The following LRRC4C variants were observed in gnomAD, a reference collection of about 807,000 sequenced individuals.
LRRC4C encodes leucine-rich repeat-containing protein 4C.
A neutral mutation model predicts 33.6 loss-of-function variants in LRRC4C; 5 were observed. The observed-to-expected ratio is 0.15, with a 90% confidence interval of 0.08 to 0.31. The LOEUF (loss-of-function observed/expected upper bound fraction) is 0.31. Among genes scored for constraint, LRRC4C ranks in the 10% least tolerant of loss-of-function variants. The probability of loss-of-function intolerance (pLI) is 1.00; values close to 1 mark genes in which losing one functional copy is unlikely to be tolerated. For missense variants in LRRC4C, 560 were observed against 796.7 expected (o/e 0.70, Z 3.58); for synonymous variants, 329 against 302.0 (o/e 1.09, Z -0.93).
At chr11:40,689,009 G>A (rs74429839) in intron 2 of LRRC4C, among the ~76,000 whole-genome samples, 4,419 of 152,014 alleles carry the variant, frequency 0.029, 212 homozygotes, top group African/African-American at 0.1. Context: ...GGAAAACAGC[G>A]GATGAGGATA....
intron 3 of LRRC4C, among the ~76,000 whole-genome samples, chr11:40,376,146 C>T (rs572569225): frequency 1.8e-4 from 28 of 152,124 alleles, no homozygotes; most frequent in South Asian, 1.0e-3. Context: ...CTTTTCATAT[C>T]CATGTTCACA....
chr11:40,551,620 A>G (rs565350624), intron 3 of LRRC4C, among the ~76,000 whole-genome samples: 28 of 152,012 alleles, frequency 1.8e-4, no homozygotes, highest in Non-Finnish European at 3.5e-4. Context: ...ATCTGCCTCC[A>G]CCCCACTCCT....
chr11:41,363,412 C>G (rs1467234907), intron 1 of LRRC4C, among the ~76,000 whole-genome samples: 1 of 152,160 alleles, frequency 6.6e-6, no homozygotes, highest in African/African-American at 2.4e-5. Context: ...AATCTGGTGC[C>G]AAATGTTTTC....
At chr11:40,405,269 C>T (rs1342453763) in intron 3 of LRRC4C, among the ~76,000 whole-genome samples, 1 of 151,890 alleles carries the variant, frequency 6.6e-6, no homozygotes, top group South Asian at 2.1e-4. Context: ...GGAGAATATC[C>T]TCCTTAAGGC....
intron 1 of LRRC4C, among the ~76,000 whole-genome samples, chr11:41,408,587 C>A (rs1954329724): frequency 1.3e-5 from 2 of 152,134 alleles, no homozygotes; most frequent in African/African-American, 4.8e-5. Context: ...AACCCTCTTT[C>A]ATAGGACACA....
chr11:41,072,136 A>C (rs1938731489), intron 1 of LRRC4C, among the ~76,000 whole-genome samples: 1 of 152,248 alleles, frequency 6.6e-6, no homozygotes, highest in East Asian at 1.9e-4. Context: ...AGGATTCAGA[A>C]TATTACATAA....
intron 1 of LRRC4C, among the ~76,000 whole-genome samples, chr11:41,121,814 T>G (rs954789314): frequency 2.6e-5 from 4 of 152,110 alleles, no homozygotes; most frequent in African/African-American, 9.7e-5. Flanking sequence ...ATTGTCAGCT[T>G]GGATAAAGGA....
At chr11:40,261,159 A>G (rs1215874490) in intron 4 of LRRC4C, among the ~76,000 whole-genome samples, 3 of 152,268 alleles carry the variant, frequency 2.0e-5, no homozygotes, top group Non-Finnish European at 4.4e-5. Context: ...TGAGTCTGGG[A>G]TTATAGGCGT....
intron 4 of LRRC4C, among the ~76,000 whole-genome samples, chr11:40,268,380 G>A (rs1942442307): frequency 6.6e-6 from 1 of 152,072 alleles, no homozygotes; most frequent in Non-Finnish European, 1.5e-5. Flanking sequence ...AAACCATGAT[G>A]CTTCCTAAAT....
At chr11:40,929,591 G>T (rs1272858578) in intron 2 of LRRC4C, among the ~76,000 whole-genome samples, 1 of 151,960 alleles carries the variant, frequency 6.6e-6, no homozygotes, top group Non-Finnish European at 1.5e-5. Context: ...CCACCTTCTA[G>T]TTATTCAATT....
chr11:40,669,625 C>G (rs1943984456), intron 2 of LRRC4C, among the ~76,000 whole-genome samples: 1 of 152,198 alleles, frequency 6.6e-6, no homozygotes, highest in African/African-American at 2.4e-5. Flanking sequence ...TTCTACTAAA[C>G]AAGACCCTCC....
chr11:40,821,442 T>C (rs1015623365), intron 2 of LRRC4C, among the ~76,000 whole-genome samples: 1 of 151,568 alleles, frequency 6.6e-6, no homozygotes, highest in Non-Finnish European at 1.5e-5. Context: ...TGCCAGGATA[T>C]GAATAAAAAT....
At chr11:40,775,401 G>A (rs1275849429) in intron 2 of LRRC4C, among the ~76,000 whole-genome samples, 6 of 133,384 alleles carry the variant, frequency 4.5e-5, no homozygotes, top group Non-Finnish European at 6.4e-5. Flanking sequence ...ATGACAAGGC[G>A]AGACTCTGTT....
rs796411478 is a variant in LRRC4C at position 40,692,521 on chromosome 11, G to A, written c.-406-44243C>T. ...TTAACAATGCAGAAGTGGGGACAAA[G>A]CAAAGGAAGTTAGAGAGAAACTACA... is the stretch of plus-strand genomic sequence containing the variant. On this transcript the variant is annotated intron_variant, in intron 2 of 6. Transcript: ENST00000528697. Among the ~76,000 whole-genome samples, 64 of 152,180 alleles carry A rather than the reference G, an allele frequency of 4.2e-4. 1 individual carries two copies. The highest frequency in any genetic ancestry group is 1.5e-3 in the African/African-American group (63 of 41,532).
chr11:40,372,303 T>C (rs1189462235), intron 3 of LRRC4C, among the ~76,000 whole-genome samples: 1 of 152,202 alleles, frequency 6.6e-6, no homozygotes, highest in Non-Finnish European at 1.5e-5. Context: ...TATAGGTGCC[T>C]AGTCCAAGGA....
chr11:40,649,490 TC>T lies in LRRC4C; in HGVS notation c.-406-1213del, dbSNP rs201462382. Among the ~76,000 whole-genome samples the T allele has an allele frequency of 4.6e-3, 695 of 152,310 alleles. 7 individuals are homozygous for T. Among genetic ancestry groups the T allele is most frequent in the African/African-American group, 0.016 (670 of 41,568 alleles). ...AGACCATATGGTTGTCTCCCCTTGT[TC>T]CCTGAAAATCACTGTCATTCTGTTC... On this transcript the variant is annotated intron_variant, in intron 2 of 6. Coordinates refer to ENST00000528697, the MANE Select transcript of LRRC4C (RefSeq NM_001258419.2).
chr11:41,013,613 T>C (rs753618108), intron 1 of LRRC4C, among the ~76,000 whole-genome samples: 31 of 152,278 alleles, frequency 2.0e-4, no homozygotes, highest in Non-Finnish European at 3.5e-4. Flanking sequence ...GGGTGGTTTA[T>C]AAAGAAGAAA....
At chr11:40,609,679 A>G (rs1281121826) in intron 3 of LRRC4C, among the ~76,000 whole-genome samples, 3 of 151,958 alleles carry the variant, frequency 2.0e-5, no homozygotes, top group Admixed American at 2.0e-4. Context: ...AAGAGAGAAG[A>G]CTTAGTAAAT....
intron 1 of LRRC4C, among the ~76,000 whole-genome samples, chr11:40,978,563 A>G (rs966862683): frequency 1.3e-5 from 2 of 152,130 alleles, no homozygotes; most frequent in South Asian, 2.1e-4. Flanking sequence ...CCAAACATCA[A>G]TAGAGTTAAG....
Sources: gnomAD v4.1 joint callset for allele counts (sites outside exome capture counted in the v4.1 genomes callset) on GRCh38, gnomAD v4.1.1 for gene constraint, MANE v1.5 for transcripts, NCBI Gene and HGNC (gene_info 2026-07-23, HGNC 2026-07-21) for gene names.